Variants in GNAL observed in about 807,000 individuals in gnomAD.
The protein encoded by GNAL is guanine nucleotide-binding protein G(olf) subunit alpha.
GNAL carries 18 observed loss-of-function variants against 55.1 expected under a neutral mutation model. The observed-to-expected ratio is 0.33, with a 90% CI of 0.23 to 0.48. The LOEUF is 0.48. GNAL is among the 20% of genes least tolerant of loss of function. The probability of loss-of-function intolerance (pLI) is 0.99; values close to 1 mark genes in which losing one functional copy is unlikely to be tolerated. For synonymous variants in GNAL, 253 were observed against 237.0 expected (o/e 1.07, Z -0.62); for missense variants, 412 against 614.1 (o/e 0.67, Z 3.48).
chr18:11,775,217 C>A (rs2033747464), intron 4 of GNAL, among the ~76,000 whole-genome samples: 1 of 152,312 alleles, frequency 6.6e-6, no homozygotes, highest in East Asian at 1.9e-4. Flanking sequence ...TGTGTTCTGG[C>A]GAACTGAGAA....
rs1388283337 is a variant in GNAL, at chr18:11,831,936, C to T, written c.722+6921C>T. On this transcript the variant is annotated intron_variant, in intron 5 of 11. Coordinates refer to ENST00000334049, the MANE Select transcript of GNAL (RefSeq NM_182978.4). ...TGTGAGAATAATTATTATCACTGAG[C>T]CTTAAATACTGTGTTTTCTGTAAAA... Among the ~76,000 whole-genome samples, 4 of 152,206 alleles carry T rather than the reference C, an allele frequency of 2.6e-5. No individual in the cohort carries two copies. The South Asian group carries it at 6.2e-4, about 24-fold the overall frequency.
In GNAL at chr18:11,881,215, T is replaced by C. The variant is rs2036683208; in HGVS notation, c.*80T>C. 2 of 1,370,646 alleles carry C rather than the reference T, an allele frequency of 1.5e-6. No individual in the cohort carries two copies. Among genetic ancestry groups the C allele is most frequent in the Non-Finnish European group, 1.0e-6 (1 of 1,003,408 alleles). 84.9% of individuals were successfully genotyped at this position (1,370,646 alleles called of 1,614,324 possible). ...CCCCATGCCATGGTAGGAGGCAGAG[T>C]CTCTAGTTCCATCTCGCTGCCGTCT... On this transcript the variant is annotated 3_prime_UTR_variant, in exon 12 of 12. Transcript: ENST00000334049. This position sits in a 1 kb window ranked among gnomAD's most constrained non-coding sequence, Gnocchi z 4.8.
intron 1 of GNAL, among the ~76,000 whole-genome samples, chr18:11,734,141 TCTTTTTC>T (rs1189221879): frequency 6.7e-6 from 1 of 149,932 alleles, no homozygotes. Flanking sequence ...CTTTTCTTTT[TCTTTTTC>T]TTTTTTTTTT....
intron 5 of GNAL, among the ~76,000 whole-genome samples, chr18:11,860,561 C>T (rs148264989): frequency 5.3e-5 from 8 of 152,240 alleles, no homozygotes; most frequent in Admixed American, 1.3e-4. Context: ...TACATGCACA[C>T]GGGAACTTTC....
At chr18:11,693,741 CTTT>C (rs576637274) in intron 1 of GNAL, among the ~76,000 whole-genome samples, 21 of 110,936 alleles carry the variant, frequency 1.9e-4, no homozygotes, top group African/African-American at 2.6e-4. Context: ...CCAGCAGTGT[CTTT>C]TTTTTTTTTT....
chr18:11,881,235 C>CCGT lies in GNAL; in HGVS notation c.*102_*104dup. 1 of 1,192,746 alleles carries CCGT rather than the reference C, an allele frequency of 8.4e-7. No homozygotes were observed. The highest frequency in any genetic ancestry group is 1.2e-6 in the Non-Finnish European group (1 of 854,382). The allele number at this position is 1,192,746 out of a possible 1,614,324, so 73.9% of individuals were successfully genotyped here. A position where few individuals can be genotyped will look rare whatever the true frequency, so the allele number is the denominator to read the frequency against. ...CAGAGTCTCTAGTTCCATCTCGCTG[C>CCGT]CGTCTGTCCCGTTCTGTGTCGACCA... is the stretch of plus-strand genomic sequence containing the variant. On this transcript the variant is annotated 3_prime_UTR_variant, in exon 12 of 12. Transcript: ENST00000334049. The surrounding 1 kb of genome is among the most constrained non-coding windows in gnomAD (Gnocchi z 4.8).
intron 1 of GNAL, among the ~76,000 whole-genome samples, chr18:11,693,317 C>A (rs1179673381): frequency 6.6e-6 from 1 of 152,186 alleles, no homozygotes; most frequent in Non-Finnish European, 1.5e-5. Context: ...AAGACATCAT[C>A]TCATAGCCTC....
chr18:11,859,194 C>A (rs1039622707), intron 5 of GNAL, among the ~76,000 whole-genome samples: 1 of 152,108 alleles, frequency 6.6e-6, no homozygotes. Context: ...TTTCTGTATC[C>A]TTTGCTCTGG....
At chr18:11,738,846 C>T (rs944013078) in intron 1 of GNAL, among the ~76,000 whole-genome samples, 6 of 152,066 alleles carry the variant, frequency 3.9e-5, no homozygotes, top group African/African-American at 7.2e-5. Context: ...CCGTGCAGAG[C>T]GGGTGAGGAT....
intron 9 of GNAL, 122 bp from the exon 10 acceptor site, chr18:11,872,146 T>C (rs932104886): frequency 1.5e-6 from 1 of 654,588 alleles, no homozygotes; most frequent in Admixed American, 2.8e-5. Flanking sequence ...TACTGAACTT[T>C]CTTGAATCCT....
chr18:11,852,470 T>G (rs2035899400), intron 5 of GNAL: 1 of 237,522 alleles, frequency 4.2e-6, no homozygotes, highest in African/African-American at 2.3e-5. Flanking sequence ...TTTAGTGTGA[T>G]TGATAGTATC....
intron 4 of GNAL, 149 bp from the exon 5 acceptor site, chr18:11,824,767 TAG>T (rs1369233312): frequency 1.8e-6 from 1 of 570,970 alleles, no homozygotes; most frequent in Admixed American, 3.3e-5. Context: ...ACACTAAACA[TAG>T]AGTCGGTGCA....
intron 1 of GNAL, among the ~76,000 whole-genome samples, chr18:11,715,232 G>C (rs2143379432): frequency 6.6e-6 from 1 of 152,070 alleles, no homozygotes; most frequent in African/African-American, 2.4e-5. Flanking sequence ...GGCCGAGGTG[G>C]GCGGATCACA....
At chr18:11,712,225 C>G (rs1000458556) in intron 1 of GNAL, among the ~76,000 whole-genome samples, 1 of 152,146 alleles carries the variant, frequency 6.6e-6, no homozygotes, top group Admixed American at 6.5e-5. Flanking sequence ...AAATTGGTCC[C>G]TTGGGCAACA....
chr18:11,880,756 T>C (rs1433740067), intron 11 of GNAL, among the ~76,000 whole-genome samples: 2 of 152,150 alleles, frequency 1.3e-5, no homozygotes, highest in Non-Finnish European at 2.9e-5. Flanking sequence ...CTGCCGGGGC[T>C]TTCTCTGACC....
chr18:11,856,174 G>A (rs1037622434), intron 5 of GNAL, among the ~76,000 whole-genome samples: 4 of 151,468 alleles, frequency 2.6e-5, no homozygotes, highest in Non-Finnish European at 5.9e-5. Flanking sequence ...CAAGCCAGTG[G>A]ACACTAAGGA....
chr18:11,837,175 G>A (rs1443640744), intron 5 of GNAL, among the ~76,000 whole-genome samples: 1 of 152,102 alleles, frequency 6.6e-6, no homozygotes, highest in Admixed American at 6.6e-5. Flanking sequence ...ATTTTTAGTA[G>A]TGCTGGCGTT....
At chr18:11,711,849 A>G (rs1414614145) in intron 1 of GNAL, among the ~76,000 whole-genome samples, 1 of 152,140 alleles carries the variant, frequency 6.6e-6, no homozygotes, top group East Asian at 1.9e-4. Context: ...CCCAGTCCTT[A>G]TGGCTTTAGC....
chr18:11,796,589 A>C (rs866574230), intron 4 of GNAL, among the ~76,000 whole-genome samples: 36 of 147,032 alleles, frequency 2.4e-4, no homozygotes, highest in Admixed American at 5.4e-4. Context: ...AAAAAAAAAA[A>C]AAAAAACAAA....
Sources: allele counts gnomAD v4.1 joint callset (sites outside exome capture counted in the v4.1 genomes callset), GRCh38; gene constraint gnomAD v4.1.1; non-coding constraint Gnocchi (gnomAD v3.1); transcripts MANE v1.5; gene names NCBI Gene and HGNC (gene_info 2026-07-23, HGNC 2026-07-21).